ACADL: variants seen among roughly 807,000 people sequenced by gnomAD.
ACADL encodes long-chain specific acyl-CoA dehydrogenase, mitochondrial.
In ACADL, 60 loss-of-function variants were observed where a neutral mutation model predicts 56.9. The observed-to-expected ratio is 1.05, with a 90% CI of 0.86 to 1.31. The LOEUF is 1.31. Ranked by LOEUF, ACADL falls within the 50% of genes most tolerant of loss-of-function variation. The probability of loss-of-function intolerance (pLI) is 0.00; values close to 1 mark genes in which losing one functional copy is unlikely to be tolerated. For synonymous variants in ACADL, 158 were observed against 179.7 expected (o/e 0.88, Z 0.97); for missense variants, 484 against 525.5 (o/e 0.92, Z 0.77).
In ACADL at chr2:210,188,009, AC is replaced by A. The variant is rs1688574088; in HGVS notation, c.*951del. On this transcript the variant is annotated 3_prime_UTR_variant, in exon 11 of 11. Transcript: ENST00000233710. ...CCTCACTTTTGAATTTTAAATGCTT[AC>A]TTTATTATTTACATTGCACTTATGC... 1.3e-5 allele frequency: 2 copies of A among 152,162 alleles called. No homozygotes were observed. Among genetic ancestry groups the A allele is most frequent in the Non-Finnish European group, 2.9e-5 (2 of 68,022 alleles). The allele number at this position is 152,162 out of a possible 1,614,324, so 9.4% of individuals were successfully genotyped here.
chr2:210,203,451 C>T lies in ACADL; in HGVS notation c.871-7G>A. ...CAGCAATTAACAGCCTTTCCTATAA[C>T]ACAAAAATTAGGTCTTAAACATTAC... is the stretch of plus-strand genomic sequence containing the variant. On this transcript the variant is annotated splice_region_variant and splice_polypyrimidine_tract_variant and intron_variant, in intron 7 of 10. Coordinates refer to ENST00000233710, the MANE Select transcript of ACADL (RefSeq NM_001608.4). The T allele has an allele frequency of 6.3e-7, 1 of 1,598,884 alleles. No individual in the cohort carries two copies. The highest frequency in any genetic ancestry group is 2.2e-5 in the East Asian group (1 of 44,648).
intron 1 of ACADL, chr2:210,224,496 T>C (rs1689233674): frequency 1.0e-6 from 1 of 985,238 alleles, no homozygotes; most frequent in Non-Finnish European, 1.2e-6. Context: ...ATAGATTTTA[T>C]GCATCAGACA....
intron 4 of ACADL, among the ~76,000 whole-genome samples, chr2:210,212,934 T>A (rs758442281): frequency 2.0e-5 from 3 of 152,216 alleles, no homozygotes; most frequent in Non-Finnish European, 2.9e-5. Flanking sequence ...AATCTGGATT[T>A]CAGGAGAGTT....
chr2:210,222,508 C>CAAAAAAAAAAAAAAAAAAAA (rs797000679), intron 1 of ACADL, among the ~76,000 whole-genome samples: 4 of 81,338 alleles, frequency 4.9e-5, no homozygotes, highest in South Asian at 4.2e-4. Flanking sequence ...AACAAACAAA[C>CAAAAAAAAAAAAAAAAAAAA]AAAAAAAAAA....
intron 7 of ACADL, 38 bp from the exon 8 acceptor site, chr2:210,203,482 T>C (rs1272169687): frequency 1.6e-6 from 2 of 1,290,206 alleles, no homozygotes; most frequent in East Asian, 4.7e-5. Flanking sequence ...ATTACTCTAA[T>C]TATGCAAGTG....
intron 2 of ACADL, among the ~76,000 whole-genome samples, chr2:210,219,812 A>G (rs928086312): frequency 6.6e-6 from 1 of 152,050 alleles, no homozygotes; most frequent in Non-Finnish European, 1.5e-5. Context: ...AATATATTTA[A>G]TATATTACAT....
At chr2:210,214,467 A>AAAAGAAAGAAAGAAAGG in intron 4 of ACADL, among the ~76,000 whole-genome samples, 1 of 122,418 alleles carries the variant, frequency 8.2e-6, no homozygotes, top group East Asian at 2.4e-4. Context: ...GACCTTCCAA[A>AAAAGAAAGAAAGAAAGG]AAAGAAAGAA....
At chr2:210,212,092 G>A (rs1012162092) in intron 4 of ACADL, among the ~76,000 whole-genome samples, 1 of 150,712 alleles carries the variant, frequency 6.6e-6, no homozygotes, top group African/African-American at 2.4e-5. Context: ...CTTGGCCTCC[G>A]AAAGTGTTGG....
chr2:210,215,395 T>G (rs1252291216), intron 4 of ACADL, among the ~76,000 whole-genome samples: 3 of 152,208 alleles, frequency 2.0e-5, no homozygotes, highest in African/African-American at 7.2e-5. Context: ...TTGACATTAC[T>G]AACTTCTTTC....
At chr2:210,202,709 T>A (rs1688814089) in intron 8 of ACADL, among the ~76,000 whole-genome samples, 2 of 152,026 alleles carry the variant, frequency 1.3e-5, no homozygotes, top group African/African-American at 4.8e-5. Flanking sequence ...GACAAAAAAT[T>A]AATAACTCCC....
intron 8 of ACADL, among the ~76,000 whole-genome samples, chr2:210,199,199 G>A (rs1431730648): frequency 2.0e-5 from 3 of 151,976 alleles, no homozygotes; most frequent in Non-Finnish European, 2.9e-5. Context: ...CATCATCTCT[G>A]AATATACTCC....
At chr2:210,203,683 T>A (rs553022966) in intron 7 of ACADL, among the ~76,000 whole-genome samples, 1 of 152,284 alleles carries the variant, frequency 6.6e-6, no homozygotes, top group Non-Finnish European at 1.5e-5. Context: ...ATAATCTTTT[T>A]AAATTTTTAA....
chr2:210,218,164 T>G (rs1484190698), intron 2 of ACADL, 62 bp from the exon 3 acceptor site: 21 of 1,443,768 alleles, frequency 1.5e-5, no homozygotes, highest in Non-Finnish European at 6.7e-6. Context: ...TGGCCACAAC[T>G]TTGAACTTAT....
Position 210,195,224 on chromosome 2 carries a change from T to C in ACADL, c.1099A>G (p.Met367Val), listed in dbSNP as rs1391387036. 2.5e-6 allele frequency: 4 copies of C among 1,613,824 alleles called. No individual in the cohort carries two copies. The African/African-American group carries it at 4.0e-5, about 16-fold the overall frequency. ...TAGCATGCATACCAATATTTCGCCA[T>C]GCAAGCAGTGGCGGAGTCCAAACGT... ...AKRLDSATAC[M>V]AKYWASELQN... Residue 367 changes from methionine (M) to valine (V), a missense_variant, in exon 9 of 11, where the codon ATG becomes GTG. Transcript: ENST00000233710.
chr2:210,189,684 A>G (rs1352195467), intron 10 of ACADL, among the ~76,000 whole-genome samples: 1 of 152,034 alleles, frequency 6.6e-6, no homozygotes, highest in Non-Finnish European at 1.5e-5. Flanking sequence ...CAAATATCAT[A>G]AGTTCACTTT....
intron 8 of ACADL, among the ~76,000 whole-genome samples, chr2:210,201,053 C>T (rs1688783937): frequency 6.6e-6 from 1 of 152,152 alleles, no homozygotes; most frequent in African/African-American, 2.4e-5. Flanking sequence ...ATGAAGCCTG[C>T]CCTTTCCCAA....
In ACADL at chr2:210,205,677, T is replaced by A. The variant is rs1184776116; in HGVS notation, c.723A>T (p.Gly241=). 3.1e-6 allele frequency: 5 copies of A among 1,613,972 alleles called. No homozygotes were observed. The part of the protein sequence containing the change: ...SLFLVENGMK[G]FIKGRKLHKM... ...TATGTAGCTTTCGTCCCTTGATAAA[T>A]CCTTTCATTCCATTTTCCACCAGAA... The change falls in exon 6 of 11, where the codon GGA becomes GGT. Residue 241 remains glycine, a synonymous_variant. Transcript: ENST00000233710.
At chr2:210,208,483 C>A (rs1317097519) in intron 5 of ACADL, among the ~76,000 whole-genome samples, 1 of 152,128 alleles carries the variant, frequency 6.6e-6, no homozygotes, top group African/African-American at 2.4e-5. Context: ...CTAATTATGA[C>A]ACTCCAAAGT....
chr2:210,219,321 C>T (rs769578044), intron 2 of ACADL, among the ~76,000 whole-genome samples: 4 of 151,964 alleles, frequency 2.6e-5, no homozygotes, highest in Non-Finnish European at 5.9e-5. Flanking sequence ...AGTTGAAGCC[C>T]GATGTGGTGG....
Sources: allele counts gnomAD v4.1 joint callset (sites outside exome capture counted in the v4.1 genomes callset), GRCh38; gene constraint gnomAD v4.1.1; transcripts MANE v1.5; gene names NCBI Gene and HGNC (gene_info 2026-07-23, HGNC 2026-07-21).